DENND1A: variants seen among roughly 807,000 people sequenced by gnomAD.
DENND1A encodes DENN domain-containing protein 1A.
DENND1A carries 51 observed loss-of-function variants against 113.7 expected under a neutral mutation model. That is an observed-to-expected ratio of 0.45 (90% CI 0.36 to 0.57). The LOEUF is 0.57. Ranked by LOEUF, DENND1A falls within the 20% of genes least tolerant of loss-of-function variation. DENND1A has a pLI of 0.00. For missense variants in DENND1A, 1,258 were observed against 1,395.9 expected (o/e 0.90, Z 1.57); for synonymous variants, 565 against 570.8 (o/e 0.99, Z 0.14).
At chr9:123,674,331 CT>C (rs2063915789) in intron 6 of DENND1A, among the ~76,000 whole-genome samples, 1 of 130,008 alleles carries the variant, frequency 7.7e-6, no homozygotes, top group African/African-American at 2.9e-5. Context: ...GTCTCTGTCT[CT>C]GTCTCTCTCT....
intron 13 of DENND1A, among the ~76,000 whole-genome samples, chr9:123,540,878 A>G (rs767654818): frequency 9.2e-5 from 14 of 152,200 alleles, no homozygotes; most frequent in Non-Finnish European, 1.3e-4. Context: ...ACCAAAGAGG[A>G]TCGGAAGCAG....
intron 8 of DENND1A, among the ~76,000 whole-genome samples, chr9:123,660,169 C>CGTT (rs1320833176): frequency 6.6e-6 from 1 of 152,162 alleles, no homozygotes; most frequent in Non-Finnish European, 1.5e-5. Context: ...GGCTCCCTGT[C>CGTT]TAAAACGGGG....
intron 22 of DENND1A, 91 bp downstream of exon 22, chr9:123,387,639 A>C: frequency 9.9e-6 from 9 of 908,546 alleles, no homozygotes; most frequent in Non-Finnish European, 1.2e-5. Flanking sequence ...CCCCGACACA[A>C]AGGCAAGCAG....
At chr9:123,698,933 A>C (rs141450336) in intron 5 of DENND1A, among the ~76,000 whole-genome samples, 3 of 152,376 alleles carry the variant, frequency 2.0e-5, no homozygotes, top group Non-Finnish European at 4.4e-5. Context: ...TATCTGCCTC[A>C]GAATTTACGG....
At chr9:123,590,223 G>A (rs542634367) in intron 11 of DENND1A, among the ~76,000 whole-genome samples, 6 of 152,266 alleles carry the variant, frequency 3.9e-5, no homozygotes, top group Admixed American at 1.3e-4. Flanking sequence ...AGAATAACAC[G>A]TTGACTGTGA....
chr9:123,618,204 G>A (rs1326795274), intron 10 of DENND1A, among the ~76,000 whole-genome samples: 1 of 152,222 alleles, frequency 6.6e-6, no homozygotes, highest in African/African-American at 2.4e-5. Context: ...GAGGTCACTT[G>A]CTGCACTGCT....
chr9:123,424,562 A>G (rs2045567690), intron 19 of DENND1A, among the ~76,000 whole-genome samples: 1 of 152,210 alleles, frequency 6.6e-6, no homozygotes, highest in Admixed American at 6.5e-5. Context: ...GTGGCCCAGC[A>G]TACATATTCC....
chr9:123,773,460 C>T (rs1427361646), intron 3 of DENND1A, among the ~76,000 whole-genome samples: 1 of 152,120 alleles, frequency 6.6e-6, no homozygotes, highest in Non-Finnish European at 1.5e-5. Context: ...GATACTGAGC[C>T]TAAGAACCCA....
At chr9:123,531,643 T>C (rs1458947592) in intron 13 of DENND1A, among the ~76,000 whole-genome samples, 2 of 150,548 alleles carry the variant, frequency 1.3e-5, no homozygotes, top group Non-Finnish European at 3.0e-5. Flanking sequence ...AATGTCTTCC[T>C]AAAACATTTA....
chr9:123,627,594 G>C (rs554193869), intron 10 of DENND1A, among the ~76,000 whole-genome samples: 2 of 152,106 alleles, frequency 1.3e-5, no homozygotes, highest in Admixed American at 1.3e-4. Flanking sequence ...CAAATAATTA[G>C]CCGAGTGTGA....
intron 13 of DENND1A, among the ~76,000 whole-genome samples, chr9:123,529,604 A>C (rs1007310020): frequency 6.6e-6 from 1 of 152,222 alleles, no homozygotes; most frequent in African/African-American, 2.4e-5. Context: ...CGCATCATAA[A>C]AGATAAAAAG....
At chr9:123,589,940 C>T (rs182141181) in intron 11 of DENND1A, among the ~76,000 whole-genome samples, 3 of 152,316 alleles carry the variant, frequency 2.0e-5, no homozygotes, top group African/African-American at 7.2e-5. Flanking sequence ...AGGCAACTGG[C>T]TTGACTGCAT....
chr9:123,699,630 C>A (rs558905925), intron 5 of DENND1A, among the ~76,000 whole-genome samples: 1 of 150,792 alleles, frequency 6.6e-6, no homozygotes, highest in Non-Finnish European at 1.5e-5. Flanking sequence ...TTTTTCCCTG[C>A]GGATACCCAA....
At chr9:123,730,318 G>T (rs891994553) in intron 5 of DENND1A, among the ~76,000 whole-genome samples, 2 of 152,130 alleles carry the variant, frequency 1.3e-5, no homozygotes, top group Non-Finnish European at 2.9e-5. Context: ...AGAGTGAACA[G>T]GCAACCTACA....
intron 19 of DENND1A, among the ~76,000 whole-genome samples, chr9:123,416,056 G>T (rs1334187265): frequency 1.3e-5 from 2 of 152,208 alleles, no homozygotes; most frequent in East Asian, 3.8e-4. Context: ...TGCTCTAGAA[G>T]CTGAAGCCAG....
chr9:123,381,458 T>C lies in DENND1A; in HGVS notation c.3187A>G (p.Arg1063Gly), dbSNP rs1192803732. The C allele has an allele frequency of 1.9e-6, 3 of 1,613,340 alleles. No homozygotes were observed. Among genetic ancestry groups the C allele is most frequent in the Admixed American group, 1.7e-5 (1 of 60,022 alleles). ...CACTCGAAGGTCTCCCACTGCTTCC[T>C]GAGCTGCTCCACCGAGTCTGGGGCC... is the stretch of plus-strand genomic sequence containing the variant. ...APAPDSVEQLRKQWETFE is the reference protein window; with the variant it reads ...APAPDSVEQLGKQWETFE The change falls in exon 24 of 24, where the codon AGG becomes GGG. Residue 1063 changes from arginine to glycine, a missense_variant. This residue lies in a region of DENND1A where 1,159 missense variants were observed against 1,231.7 expected (regional missense o/e 0.94). Transcript: ENST00000394215. This position sits in a 1 kb window ranked among gnomAD's most constrained non-coding sequence, Gnocchi z 4.7.
At chr9:123,845,227 CA>C (rs202118804) in intron 2 of DENND1A, among the ~76,000 whole-genome samples, 5 of 146,162 alleles carry the variant, frequency 3.4e-5, no homozygotes, top group African/African-American at 2.5e-5. Context: ...CTCCAAAAAA[CA>C]AAAAAAAAAT....
At chr9:123,418,874 G>A (rs1271876004) in intron 19 of DENND1A, among the ~76,000 whole-genome samples, 1 of 152,256 alleles carries the variant, frequency 6.6e-6, no homozygotes, top group African/African-American at 2.4e-5. Flanking sequence ...TTATGGGCTG[G>A]GGCAGGGGTG....
intron 11 of DENND1A, among the ~76,000 whole-genome samples, chr9:123,599,132 TGCAAAG>T (rs2059831524): frequency 6.6e-6 from 1 of 152,238 alleles, no homozygotes. Flanking sequence ...AAGCTTTACC[TGCAAAG>T]GCCTGAACTT....
Sources: gnomAD v4.1 joint callset for allele counts (sites outside exome capture counted in the v4.1 genomes callset) on GRCh38, gnomAD v4.1.1 for gene constraint, gnomAD v4.1.1 regional missense constraint, Gnocchi (gnomAD v3.1) non-coding constraint, MANE v1.5 for transcripts, NCBI Gene and HGNC (gene_info 2026-07-23, HGNC 2026-07-21) for gene names.